Variants in SPAG16 observed in about 807,000 individuals in gnomAD.
SPAG16 encodes the protein sperm associated antigen 16, also known as sperm-associated antigen 16 protein.
In SPAG16, 86 loss-of-function variants were observed where a neutral mutation model predicts 80.4. The ratio of observed to expected loss-of-function variants is 1.07; its 90% confidence interval spans 0.90 to 1.28. The LOEUF is 1.28. Ranked by LOEUF, SPAG16 falls within the 50% of genes most tolerant of loss-of-function variation. The probability of loss-of-function intolerance (pLI) is 0.00; values close to 1 mark genes in which losing one functional copy is unlikely to be tolerated. For synonymous variants in SPAG16, 294 were observed against 265.9 expected (o/e 1.11, Z -1.03); for missense variants, 870 against 765.3 (o/e 1.14, Z -1.61).
At chr2:214,359,809 A>T (rs546374470) in intron 15 of SPAG16, among the ~76,000 whole-genome samples, 2 of 152,036 alleles carry the variant, frequency 1.3e-5, no homozygotes, top group South Asian at 4.1e-4. Flanking sequence ...TTTTTGAGAT[A>T]AATTATTAAA....
chr2:213,381,570 A>T (rs2067174456), intron 9 of SPAG16, among the ~76,000 whole-genome samples: 1 of 152,214 alleles, frequency 6.6e-6, no homozygotes, highest in African/African-American at 2.4e-5. Context: ...ACACAAGGCT[A>T]CATGATCCTA....
intron 10 of SPAG16, among the ~76,000 whole-genome samples, chr2:213,656,327 C>A (rs1053658231): frequency 3.3e-5 from 5 of 152,204 alleles, no homozygotes; most frequent in Non-Finnish European, 7.3e-5. Context: ...CCTGCCACCA[C>A]GCCCAGCTAA....
intron 9 of SPAG16, among the ~76,000 whole-genome samples, chr2:213,458,702 T>G (rs1435549926): frequency 6.6e-6 from 1 of 152,234 alleles, no homozygotes; most frequent in Non-Finnish European, 1.5e-5. Context: ...TATTGGTAAA[T>G]ATTTTCTTTC....
At chr2:213,299,934 A>G (rs1007149954) in intron 3 of SPAG16, among the ~76,000 whole-genome samples, 2 of 152,138 alleles carry the variant, frequency 1.3e-5, no homozygotes, top group Non-Finnish European at 2.9e-5. Context: ...GGATATTTGT[A>G]TGTAAATATA....
chr2:213,560,473 A>G (rs1443770937), intron 10 of SPAG16, among the ~76,000 whole-genome samples: 3 of 152,158 alleles, frequency 2.0e-5, no homozygotes, highest in Non-Finnish European at 4.4e-5. Flanking sequence ...CCTCCAAAAT[A>G]TAATTTTATA....
intron 13 of SPAG16, among the ~76,000 whole-genome samples, chr2:214,027,219 A>G (rs540480791): frequency 7.8e-4 from 118 of 151,704 alleles, no homozygotes; most frequent in African/African-American, 2.6e-3. Context: ...AAACCCTTCT[A>G]TTCATAATAA....
intron 10 of SPAG16, among the ~76,000 whole-genome samples, chr2:213,557,405 A>G (rs1414055691): frequency 6.6e-6 from 1 of 152,056 alleles, no homozygotes; most frequent in Non-Finnish European, 1.5e-5. Context: ...TGGCTTATTG[A>G]CTACATTTTC....
intron 10 of SPAG16, among the ~76,000 whole-genome samples, chr2:213,680,589 C>T (rs539158775): frequency 5.3e-5 from 8 of 152,202 alleles, no homozygotes; most frequent in African/African-American, 1.7e-4. Context: ...ATGATATGCT[C>T]GAATATGTGT....
intron 15 of SPAG16, among the ~76,000 whole-genome samples, chr2:214,225,567 G>A (rs151042994): frequency 6.6e-6 from 1 of 152,022 alleles, no homozygotes; most frequent in Non-Finnish European, 1.5e-5. Context: ...TATGTGACAG[G>A]CTTTTATTAT....
intron 15 of SPAG16, among the ~76,000 whole-genome samples, chr2:214,358,707 A>G (rs1698978951): frequency 6.6e-6 from 1 of 151,830 alleles, no homozygotes; most frequent in African/African-American, 2.4e-5. Context: ...TTCTTTGATC[A>G]TGGAGAGCCT....
intron 12 of SPAG16, among the ~76,000 whole-genome samples, chr2:213,942,194 C>T (rs1367343295): frequency 2.0e-5 from 3 of 152,140 alleles, no homozygotes; most frequent in African/African-American, 7.2e-5. Context: ...AATTCTCTGC[C>T]TGCTTTGCCT....
intron 10 of SPAG16, among the ~76,000 whole-genome samples, chr2:213,813,355 G>T (rs910088333): frequency 5.9e-5 from 9 of 152,064 alleles, no homozygotes; most frequent in African/African-American, 2.2e-4. Context: ...AGAATCCCTA[G>T]GAGTACTGGA....
rs530808400 is a variant in SPAG16 at position 213,351,413 on chromosome 2, C to T, written c.762+768C>T. Among the ~76,000 whole-genome samples the T allele has an allele frequency of 1.4e-4, 21 of 152,206 alleles. No individual in the cohort carries two copies. In the South Asian group the frequency reaches 4.1e-3, roughly 30 times the overall value. On this transcript the variant is annotated intron_variant, in intron 7 of 15. Transcript: ENST00000331683. ...AGATATTTTAATAAATAAAAACTCC[C>T]TCATAGGTACTGACTCAAGTTTTTG...
chr2:214,397,308 C>T (rs774661890), intron 15 of SPAG16, among the ~76,000 whole-genome samples: 12 of 151,798 alleles, frequency 7.9e-5, no homozygotes, highest in African/African-American at 1.7e-4. Flanking sequence ...TACAGGCATG[C>T]GCCACCATGC....
intron 8 of SPAG16, chr2:213,364,868 G>C (rs1399216275): frequency 6.6e-6 from 1 of 152,230 alleles, no homozygotes; most frequent in African/African-American, 2.4e-5. Flanking sequence ...CCATGCCTGG[G>C]TGGAAAGACC....
chr2:214,286,498 G>A (rs932959227), intron 15 of SPAG16, among the ~76,000 whole-genome samples: 22 of 152,158 alleles, frequency 1.4e-4, no homozygotes, highest in African/African-American at 5.1e-4. Context: ...TATAATCCCG[G>A]CACTTTGTGA....
intron 10 of SPAG16, among the ~76,000 whole-genome samples, chr2:213,672,681 C>A (rs1231787802): frequency 6.6e-6 from 1 of 152,008 alleles, no homozygotes; most frequent in Non-Finnish European, 1.5e-5. Flanking sequence ...ATATTTCCAA[C>A]TGCTTTTATA....
chr2:213,633,877 A>G, intron 10 of SPAG16, among the ~76,000 whole-genome samples: 1 of 152,076 alleles, frequency 6.6e-6, no homozygotes, highest in East Asian at 1.9e-4. Context: ...AGCATGGAAT[A>G]TCTTTTTTTA....
intron 10 of SPAG16, among the ~76,000 whole-genome samples, chr2:213,582,544 A>T (rs757506607): frequency 6.6e-6 from 1 of 152,170 alleles, no homozygotes; most frequent in Non-Finnish European, 1.5e-5. Context: ...ATAGAAATAG[A>T]AAATGAGGGA....
Sources: gnomAD v4.1 joint callset for allele counts (sites outside exome capture counted in the v4.1 genomes callset) on GRCh38, gnomAD v4.1.1 for gene constraint, MANE v1.5 for transcripts, NCBI Gene and HGNC (gene_info 2026-07-23, HGNC 2026-07-21) for gene names.